MAPK10: variants seen among roughly 807,000 people sequenced by gnomAD.
MAPK10 encodes the protein mitogen-activated protein kinase 10, also known as JNK3 alpha protein kinase.
In MAPK10, 25 loss-of-function variants were observed where a neutral mutation model predicts 59.3. The observed-to-expected ratio is 0.42, with a 90% CI of 0.31 to 0.59. The LOEUF is 0.59. Ranked by LOEUF, MAPK10 falls within the 20% of genes least tolerant of loss-of-function variation. The pLI, the probability that MAPK10 is intolerant of heterozygous loss-of-function variation, is 0.15. For missense variants in MAPK10, 351 were observed against 568.9 expected, an observed-to-expected ratio of 0.62 and a Z score of 3.90; for synonymous variants, 190 against 200.5, an observed-to-expected ratio of 0.95 and a Z score of 0.44.
At chr4:86,262,529 T>A (rs916265820) in intron 2 of MAPK10, among the ~76,000 whole-genome samples, 3 of 152,190 alleles carry the variant, frequency 2.0e-5, no homozygotes, top group Admixed American at 6.5e-5. Flanking sequence ...AGGAGGTTTC[T>A]GGTTGCCTTT....
chr4:86,190,446 AT>A (rs1435166349), intron 3 of MAPK10, among the ~76,000 whole-genome samples: 2 of 152,088 alleles, frequency 1.3e-5, no homozygotes, highest in Non-Finnish European at 2.9e-5. Context: ...CTATTCAGGG[AT>A]TTAACTTCTT....
chr4:86,582,346 T>C (rs995746161), intron 1 of MAPK10, among the ~76,000 whole-genome samples: 1 of 152,188 alleles, frequency 6.6e-6, no homozygotes, highest in Non-Finnish European at 1.5e-5. Flanking sequence ...AGATACCATA[T>C]TACTAATATA....
At chr4:86,149,829 G>T (rs2065954965) in intron 4 of MAPK10, among the ~76,000 whole-genome samples, 1 of 152,170 alleles carries the variant, frequency 6.6e-6, no homozygotes, top group African/African-American at 2.4e-5. Flanking sequence ...AGGGAGCCAG[G>T]ATCTTAGAGT....
chr4:86,490,995 G>A (rs905686097), intron 1 of MAPK10, among the ~76,000 whole-genome samples: 1 of 152,152 alleles, frequency 6.6e-6, no homozygotes, highest in Admixed American at 6.5e-5. Flanking sequence ...GTGCTATCTA[G>A]CTAAATTCCC....
intron 13 of MAPK10, chr4:86,028,151 C>T (rs1317521860): frequency 6.6e-6 from 1 of 152,186 alleles, no homozygotes; most frequent in Admixed American, 6.6e-5. Flanking sequence ...TAATGAGCAA[C>T]AGGCCAAACG....
intron 2 of MAPK10, among the ~76,000 whole-genome samples, chr4:86,312,798 T>C (rs1003568906): frequency 4.6e-5 from 7 of 152,142 alleles, no homozygotes; most frequent in African/African-American, 1.4e-4. Context: ...TTGTCAGTCT[T>C]ACACTTAAAA....
intron 9 of MAPK10, among the ~76,000 whole-genome samples, chr4:86,075,140 C>A (rs908345363): frequency 2.2e-4 from 34 of 152,026 alleles, no homozygotes; most frequent in African/African-American, 8.2e-4. Flanking sequence ...TCATTTCATT[C>A]ATTTCATCTT....
rs548100484 is a variant in MAPK10 at position 86,397,881 on chromosome 4, A to C, written c.-121-43237T>G. On this transcript the variant is annotated intron_variant, in intron 1 of 13. Transcript: ENST00000361569. ...TGCTATGGCAAAAAAAAAAAAAAAA[A>C]AAAAAAAAACTGGCTTTTTCTCTGT... Among the ~76,000 whole-genome samples, 1,453 of 151,178 alleles carry C rather than the reference A, an allele frequency of 9.6e-3. 25 individuals are homozygous for C. The highest frequency in any genetic ancestry group is 0.033 in the African/African-American group (1,363 of 41,062).
At chr4:86,317,465 C>T (rs2148884360) in intron 2 of MAPK10, among the ~76,000 whole-genome samples, 1 of 152,306 alleles carries the variant, frequency 6.6e-6, no homozygotes, top group South Asian at 2.1e-4. Flanking sequence ...CTTTGAAATA[C>T]TACTGCACTT....
chr4:86,364,979 G>A (rs1737600357), upstream of MAPK10, among the ~76,000 whole-genome samples: 2 of 151,918 alleles, frequency 1.3e-5, no homozygotes, highest in African/African-American at 4.8e-5. Context: ...CCAAATAAAT[G>A]TTTTCAATGA....
At chr4:86,124,164 T>C (rs2059706532) in intron 4 of MAPK10, 1 of 151,990 alleles carries the variant, frequency 6.6e-6, no homozygotes, top group Non-Finnish European at 1.5e-5. Context: ...AAAAACAGTA[T>C]TCTTATCACA....
At chr4:86,322,111 T>C (rs1165054245) in intron 2 of MAPK10, 1 of 152,184 alleles carries the variant, frequency 6.6e-6, no homozygotes, top group Non-Finnish European at 1.5e-5. Context: ...TCTTAATCCA[T>C]GATAACTAAA....
chr4:86,194,525 A>G (rs930528102), intron 2 of MAPK10, 118 bp from the exon 3 acceptor site: 5 of 683,730 alleles, frequency 7.3e-6, no homozygotes, highest in African/African-American at 7.1e-5. Flanking sequence ...CATATCTCCA[A>G]CATAATCCTT....
chr4:86,251,062 T>C (rs184525783), intron 2 of MAPK10, among the ~76,000 whole-genome samples: 36 of 152,272 alleles, frequency 2.4e-4, no homozygotes, highest in Middle Eastern at 3.4e-3. Flanking sequence ...TGTTCCCACA[T>C]TAGAAGCCTA....
intron 2 of MAPK10, among the ~76,000 whole-genome samples, chr4:86,232,825 C>G (rs1028248545): frequency 6.6e-6 from 1 of 152,136 alleles, no homozygotes; most frequent in African/African-American, 2.4e-5. Context: ...TTCTCTTCCT[C>G]TTCTATTTAA....
intron 4 of MAPK10, among the ~76,000 whole-genome samples, chr4:86,141,673 C>A (rs1165499577): frequency 2.6e-5 from 4 of 152,128 alleles, no homozygotes; most frequent in South Asian, 2.1e-4. Flanking sequence ...AGAGAATACA[C>A]TTTTAAAAAT....
chr4:86,512,034 C>A (rs1208335437), intron 1 of MAPK10, among the ~76,000 whole-genome samples: 1 of 152,008 alleles, frequency 6.6e-6, no homozygotes, highest in Non-Finnish European at 1.5e-5. Flanking sequence ...TCAAGCAGAA[C>A]AAAAATTACA....
At chr4:86,459,954 A>T (rs949089717) in intron 1 of MAPK10, among the ~76,000 whole-genome samples, 2 of 152,188 alleles carry the variant, frequency 1.3e-5, no homozygotes, top group East Asian at 3.9e-4. Flanking sequence ...CTAAGAAAAA[A>T]ATCTAAAAAA....
chr4:86,563,150 T>G (rs1267849793), intron 1 of MAPK10, among the ~76,000 whole-genome samples: 5 of 152,210 alleles, frequency 3.3e-5, no homozygotes, highest in Non-Finnish European at 7.3e-5. Context: ...AAAAAGCAAG[T>G]GTGCATGAGA....
Sources: gnomAD v4.1 joint callset for allele counts (sites outside exome capture counted in the v4.1 genomes callset) on GRCh38, gnomAD v4.1.1 for gene constraint, MANE v1.5 for transcripts, NCBI Gene and HGNC (gene_info 2026-07-23, HGNC 2026-07-21) for gene names.